Variants in INPP5A observed in about 807,000 individuals in gnomAD.
INPP5A encodes the protein inositol polyphosphate-5-phosphatase A, also known as 43 kDa inositol polyphosphate 5-phophatase.
A neutral mutation model predicts 65.2 loss-of-function variants in INPP5A; 14 were observed. The ratio of observed to expected loss-of-function variants is 0.21; its 90% CI spans 0.14 to 0.34. The LOEUF is 0.34. Ranked by LOEUF, INPP5A falls within the 10% of genes least tolerant of loss-of-function variation. INPP5A has a pLI of 1.00. For synonymous variants in INPP5A, 207 were observed against 208.3 expected (o/e 0.99, Z 0.05); for missense variants, 431 against 545.6 (o/e 0.79, Z 2.09).
At chr10:132,635,456 C>T (rs1346073377) in intron 2 of INPP5A, among the ~76,000 whole-genome samples, 5 of 116,446 alleles carry the variant, frequency 4.3e-5, no homozygotes, top group South Asian at 2.9e-4. Flanking sequence ...AGTGCAGTGG[C>T]GCGATCTTGG....
chr10:132,544,527 G>A (rs1590817358), intron 1 of INPP5A, among the ~76,000 whole-genome samples: 1 of 152,152 alleles, frequency 6.6e-6, no homozygotes, highest in Non-Finnish European at 1.5e-5. Flanking sequence ...GCTCATAAGC[G>A]GCAGGATCGT....
At chr10:132,654,248 T>C (rs1362189503) in intron 4 of INPP5A, among the ~76,000 whole-genome samples, 1 of 152,252 alleles carries the variant, frequency 6.6e-6, no homozygotes, top group East Asian at 1.9e-4. Context: ...CAGCCCCGGC[T>C]TCCCTGCCTG....
chr10:132,737,744 T>C (rs1287306342), intron 9 of INPP5A, among the ~76,000 whole-genome samples: 3 of 152,242 alleles, frequency 2.0e-5, no homozygotes, highest in Non-Finnish European at 4.4e-5. Flanking sequence ...TGGTGTAAAA[T>C]AGCAATGGCA....
chr10:132,775,160 A>C, intron 12 of INPP5A, among the ~76,000 whole-genome samples: 1 of 28,612 alleles, frequency 3.5e-5, no homozygotes, highest in Non-Finnish European at 6.8e-5. Context: ...GGGAGGAGAG[A>C]GGGGCAGAGA....
At chr10:132,608,722 G>A (rs898318449) in intron 2 of INPP5A, among the ~76,000 whole-genome samples, 1 of 152,236 alleles carries the variant, frequency 6.6e-6, no homozygotes, top group African/African-American at 2.4e-5. Flanking sequence ...AGGATGGGGT[G>A]GCCTGGACGG....
intron 8 of INPP5A, among the ~76,000 whole-genome samples, chr10:132,715,097 A>T (rs1224455950): frequency 1.3e-5 from 2 of 152,194 alleles, no homozygotes; most frequent in Non-Finnish European, 2.9e-5. Context: ...TCTCCTGGAC[A>T]CACAGGTCAG....
rs2072461786 is a variant in INPP5A at position 132,644,089 on chromosome 10, T to G, written c.118-1779T>G. 6.6e-6 allele frequency among the ~76,000 whole-genome samples: 1 copy of G among 152,008 alleles called. No individual in the cohort carries two copies. The highest frequency in any genetic ancestry group is 1.5e-5 in the Non-Finnish European group (1 of 67,988). On this transcript the variant is annotated intron_variant, in intron 2 of 15. Coordinates refer to ENST00000368594, the MANE Select transcript of INPP5A (RefSeq NM_005539.5). This position sits in a 1 kb window ranked among gnomAD's most constrained non-coding sequence, Gnocchi z 6.5. ...AAGGGTTGTCTGTTTTCAGAACTTC[T>G]GTTGTTTTGAGCACAGCCCAAAGGG...
chr10:132,632,373 A>G (rs1485830971), intron 2 of INPP5A, among the ~76,000 whole-genome samples: 1 of 152,206 alleles, frequency 6.6e-6, no homozygotes, highest in Non-Finnish European at 1.5e-5. Flanking sequence ...GCACGGGCCA[A>G]CGCCTGTGGT....
intron 11 of INPP5A, among the ~76,000 whole-genome samples, chr10:132,758,614 G>A (rs1392662960): frequency 8.3e-6 from 1 of 120,972 alleles, no homozygotes; most frequent in Non-Finnish European, 1.9e-5. Context: ...GTGCGATGAT[G>A]TGGGTCCCCA....
At chr10:132,639,551 C>T (rs1055493845) in intron 2 of INPP5A, among the ~76,000 whole-genome samples, 2 of 152,110 alleles carry the variant, frequency 1.3e-5, no homozygotes, top group African/African-American at 4.8e-5. Flanking sequence ...TTGAATTTAT[C>T]TTGTTATTTG....
chr10:132,609,590 CCT>C (rs1166568378), intron 2 of INPP5A, among the ~76,000 whole-genome samples: 6 of 152,184 alleles, frequency 3.9e-5, no homozygotes, highest in East Asian at 1.9e-4. Flanking sequence ...AGAATCTGCC[CCT>C]GTGTTTTGGT....
intron 1 of INPP5A, 145 bp from the exon 2 acceptor site, chr10:132,607,770 G>T: frequency 2.6e-6 from 2 of 777,044 alleles, no homozygotes; most frequent in Non-Finnish European, 4.3e-6. Flanking sequence ...GGGTTTCCCC[G>T]TGCGGGTGGA....
At chr10:132,540,498 A>C (rs1489634872) in intron 1 of INPP5A, among the ~76,000 whole-genome samples, 1 of 152,206 alleles carries the variant, frequency 6.6e-6, no homozygotes, top group Non-Finnish European at 1.5e-5. Context: ...AAGATTTCTT[A>C]ATGTGTGCAG....
intron 2 of INPP5A, among the ~76,000 whole-genome samples, chr10:132,629,859 G>C (rs1002996013): frequency 6.6e-6 from 1 of 152,154 alleles, no homozygotes; most frequent in Non-Finnish European, 1.5e-5. Flanking sequence ...GTGTCCTCCA[G>C]GGGAAGCTGC....
chr10:132,701,831 G>GGAC (rs953206961), intron 6 of INPP5A, among the ~76,000 whole-genome samples: 1 of 152,248 alleles, frequency 6.6e-6, no homozygotes, highest in Non-Finnish European at 1.5e-5. Flanking sequence ...GGGGACTTCA[G>GGAC]TGCAGGAATT....
At chr10:132,738,208 C>A (rs1222111685) in intron 9 of INPP5A, among the ~76,000 whole-genome samples, 1 of 152,132 alleles carries the variant, frequency 6.6e-6, no homozygotes, top group Non-Finnish European at 1.5e-5. Context: ...TAAAAGAAAC[C>A]CATGGGAAAG....
chr10:132,777,438 G>A (rs1290953318), intron 12 of INPP5A, among the ~76,000 whole-genome samples: 2 of 152,260 alleles, frequency 1.3e-5, no homozygotes, highest in Admixed American at 1.3e-4. Flanking sequence ...AGGAAGGACT[G>A]ATGTGAAGAT....
At chr10:132,671,838 A>G (rs572798787) in intron 4 of INPP5A, among the ~76,000 whole-genome samples, 83 of 152,162 alleles carry the variant, frequency 5.5e-4, no homozygotes, top group South Asian at 4.1e-4. Flanking sequence ...GAAGAGGCCA[A>G]TGTGGGATTT....
chr10:132,568,946 C>T (rs2133280976), intron 1 of INPP5A, among the ~76,000 whole-genome samples: 1 of 134,218 alleles, frequency 7.5e-6, no homozygotes, highest in East Asian at 2.3e-4. Context: ...GACGGAATCT[C>T]GCTCGGTCAC....
Sources: gnomAD v4.1 joint callset for allele counts (sites outside exome capture counted in the v4.1 genomes callset) on GRCh38, gnomAD v4.1.1 for gene constraint, Gnocchi (gnomAD v3.1) non-coding constraint, MANE v1.5 for transcripts, NCBI Gene and HGNC (gene_info 2026-07-23, HGNC 2026-07-21) for gene names.